The following PLEKHM1 variants were observed in gnomAD, a reference collection of about 807,000 sequenced individuals.
PLEKHM1 encodes the protein pleckstrin homology domain-containing family M member 1.
PLEKHM1 carries 28 observed loss-of-function variants against 94.3 expected under a neutral mutation model. That is an observed-to-expected ratio of 0.30 (90% CI 0.22 to 0.41). PLEKHM1 has a LOEUF of 0.41. PLEKHM1 is among the 10% of genes least tolerant of loss of function. PLEKHM1 has a pLI of 1.00. For missense variants in PLEKHM1, 907 were observed against 1,358.6 expected (o/e 0.67, Z 5.22); for synonymous variants, 424 against 581.2 (o/e 0.73, Z 3.89).
intron 1 of PLEKHM1, among the ~76,000 whole-genome samples, chr17:45,485,526 TAGAGTATTCAC>T (rs1567809622): frequency 6.6e-6 from 1 of 152,130 alleles, no homozygotes; most frequent in East Asian, 1.9e-4. Context: ...CTGAGAGTGA[TAGAGTATTCAC>T]AGAGTATTCA....
At chr17:45,442,812 G>C (rs1304733045) in intron 9 of PLEKHM1, among the ~76,000 whole-genome samples, 2 of 152,054 alleles carry the variant, frequency 1.3e-5, no homozygotes, top group East Asian at 3.9e-4. Flanking sequence ...GGCCTCGAGG[G>C]CCCTTTGAGT....
In PLEKHM1 at chr17:45,453,051, A is replaced by T; in HGVS notation, c.2497+304T>A. ...TGAAAGAACAGGACGGTAGAGCAAGAAGAAAATGAAGCAGGCTGGGACTCC... is the reference window on the plus strand; with the variant it reads ...TGAAAGAACAGGACGGTAGAGCAAGTAGAAAATGAAGCAGGCTGGGACTCC... On this transcript the variant is annotated intron_variant, in intron 7 of 11. Transcript: ENST00000430334. The surrounding 1 kb of genome is among the most constrained non-coding windows in gnomAD (Gnocchi z 4.1). 2 of 569,420 alleles carry T rather than the reference A, an allele frequency of 3.5e-6. No homozygotes were observed. Among genetic ancestry groups the T allele is most frequent in the Non-Finnish European group, 6.3e-6 (2 of 317,068 alleles). 35.3% of individuals were successfully genotyped at this position (569,420 alleles called of 1,614,324 possible).
rs1055394825 is a variant in PLEKHM1, at chr17:45,458,390, T to A, written c.1358A>T (p.Glu453Val). Residue 453 changes from glutamate to valine, a missense_variant, in exon 6 of 12, where the codon GAG becomes GTG. Glu to Val is a moderately radical substitution (Grantham distance 121). Transcript: ENST00000430334. Reference protein sequence around the residue: ...SEDDFYRPSREQPLESASDHP... With the variant: ...SEDDFYRPSRVQPLESASDHP... ...GTCTGAAGCACTCTCCAGGGGTTGC[T>A]CCCGGGAAGGCCGGTAGAAGTCATC... 3 of 1,613,906 alleles carry A rather than the reference T, an allele frequency of 1.9e-6. No homozygotes were observed. The highest frequency in any genetic ancestry group is 2.5e-6 in the Non-Finnish European group (3 of 1,179,780).
rs1373795812 is a variant in PLEKHM1 at position 45,436,283 on chromosome 17, C to T, written c.*1575G>A. ...GGTGGAGCGTTAATGTGGGCCATGG[C>T]GGTGCATAACCCAGCTCCTGGCTTA... On this transcript the variant is annotated 3_prime_UTR_variant, in exon 12 of 12. Transcript: ENST00000430334. 38 of 454,058 alleles carry T rather than the reference C, an allele frequency of 8.4e-5. No individual in the cohort carries two copies. The highest frequency in any genetic ancestry group is 1.5e-4 in the Non-Finnish European group (33 of 226,820). 28.1% of individuals were successfully genotyped at this position (454,058 alleles called of 1,614,324 possible). A position where few individuals can be genotyped will look rare whatever the true frequency, so the allele number is the denominator to read the frequency against.
chr17:45,489,987 A>T (rs2052257593), intron 1 of PLEKHM1, among the ~76,000 whole-genome samples: 2 of 152,152 alleles, frequency 1.3e-5, no homozygotes, highest in African/African-American at 4.8e-5. Flanking sequence ...TCAGTACGGC[A>T]GGAGACGCAA....
rs368781194 is a variant in PLEKHM1 at position 45,482,392 on chromosome 17, C to T, written c.48+45G>A. The T allele has an allele frequency of 3.9e-4, 266 of 678,890 alleles. 2 individuals carry two copies. In the African/African-American group the frequency reaches 5.4e-3, roughly 14 times the overall value. 42.1% of individuals were successfully genotyped at this position (678,890 alleles called of 1,614,324 possible). Reference sequence around the variant, plus strand: ...TGAGCCAAGCCGATGATACAACTGTCCCCTGCAGCCCTTCCCCGCCCTTGA... The same window carrying T: ...TGAGCCAAGCCGATGATACAACTGTTCCCTGCAGCCCTTCCCCGCCCTTGA... On this transcript the variant is annotated intron_variant, in intron 2 of 11. Coordinates refer to ENST00000430334, the MANE Select transcript of PLEKHM1 (RefSeq NM_014798.3).
At chr17:45,466,106 T>G (rs2051313100) in intron 5 of PLEKHM1, among the ~76,000 whole-genome samples, 1 of 152,186 alleles carries the variant, frequency 6.6e-6, no homozygotes, top group Non-Finnish European at 1.5e-5. Context: ...CTGAAGCATC[T>G]TCAGGATAGC....
chr17:45,453,773 G>A lies in PLEKHM1; in HGVS notation c.2079C>T (p.Tyr693=), dbSNP rs758103308. The part of the protein sequence containing the change: ...DAIKESLLYL[Y]MDRTWMPYIF... Reference sequence around the variant, plus strand: ...TATAGGGCATCCAGGTCCTGTCCATGTACAAGTACAGCAGGGACTCCTTGA... The same window carrying A: ...TATAGGGCATCCAGGTCCTGTCCATATACAAGTACAGCAGGGACTCCTTGA... The change falls in exon 7 of 12, where the codon TAC becomes TAT. Residue 693 remains tyrosine (Y), a synonymous_variant. Transcript: ENST00000430334. The surrounding 1 kb of genome is among the most constrained non-coding windows in gnomAD (Gnocchi z 4.1). The A allele has an allele frequency of 1.9e-6, 3 of 1,613,998 alleles. No individual in the cohort carries two copies. The highest frequency in any genetic ancestry group is 2.5e-6 in the Non-Finnish European group (3 of 1,179,870).
intron 5 of PLEKHM1, among the ~76,000 whole-genome samples, chr17:45,460,796 T>C (rs1488587566): frequency 2.0e-5 from 3 of 152,194 alleles, no homozygotes; most frequent in African/African-American, 7.2e-5. Context: ...TGGACTCAAG[T>C]GATCCGCCCA....
At chr17:45,483,117 G>T (rs2052006496) in intron 1 of PLEKHM1, among the ~76,000 whole-genome samples, 1 of 151,868 alleles carries the variant, frequency 6.6e-6, no homozygotes, top group Non-Finnish European at 1.5e-5. Flanking sequence ...TCGAGGGTCT[G>T]GCTTGAGCAG....
intron 11 of PLEKHM1, among the ~76,000 whole-genome samples, chr17:45,438,330 G>A (rs911296219): frequency 6.6e-6 from 1 of 152,122 alleles, no homozygotes; most frequent in African/African-American, 2.4e-5. Flanking sequence ...TCAGGAGATC[G>A]AGACCATCCT....
intron 5 of PLEKHM1, among the ~76,000 whole-genome samples, chr17:45,464,734 T>C (rs2051266741): frequency 6.6e-6 from 1 of 152,178 alleles, no homozygotes; most frequent in Non-Finnish European, 1.5e-5. Context: ...GAGTCCCCTG[T>C]AGCTGGCACA....
At chr17:45,439,064 A>G (rs2050358807) in intron 11 of PLEKHM1, among the ~76,000 whole-genome samples, 1 of 152,258 alleles carries the variant, frequency 6.6e-6, no homozygotes, top group Non-Finnish European at 1.5e-5. Flanking sequence ...AGCAACAGAC[A>G]CAGTGGCAGT....
At chr17:45,457,102 C>A (rs1597950551) in intron 6 of PLEKHM1, among the ~76,000 whole-genome samples, 2 of 143,818 alleles carry the variant, frequency 1.4e-5, no homozygotes, top group Admixed American at 1.5e-4. Flanking sequence ...AGCTGGGAGG[C>A]AAAGGCTGCA....
chr17:45,456,989 T>C (rs1483678096), intron 6 of PLEKHM1, among the ~76,000 whole-genome samples: 2 of 151,698 alleles, frequency 1.3e-5, no homozygotes, highest in African/African-American at 4.8e-5. Context: ...CAGACCAGTG[T>C]GGCCAACATG....
rs754463825 is a variant in PLEKHM1 at position 45,458,336 on chromosome 17, G to T, written c.1412C>A (p.Pro471Gln). The T allele has an allele frequency of 6.2e-7, 1 of 1,613,942 alleles. No homozygotes were observed. The highest frequency in any genetic ancestry group is 1.1e-5 in the South Asian group (1 of 91,074). Residue 471 changes from proline (P) to glutamine (Q), a missense_variant, in exon 6 of 12, where the codon CCA becomes CAA. Physicochemically the swap from Pro to Gln is moderately conservative, Grantham distance 76. Coordinates refer to ENST00000430334, the MANE Select transcript of PLEKHM1 (RefSeq NM_014798.3). ...DHPIASYRGT[P>Q]GSRPGLHRHF... ...CCTGTGGAGACCAGGCCTTGACCCT[G>T]GAGTCCCCCTGTAAGAAGCTATTGG...
chr17:45,435,241 G>A (rs1358896309), downstream of PLEKHM1, among the ~76,000 whole-genome samples: 2 of 152,164 alleles, frequency 1.3e-5, no homozygotes, highest in African/African-American at 2.4e-5. Context: ...TTAAGGACAG[G>A]AAATCTCAGA....
intron 1 of PLEKHM1, 29 bp downstream of exon 1, chr17:45,490,623 C>G (rs777292390): frequency 6.9e-6 from 3 of 433,878 alleles, no homozygotes; most frequent in South Asian, 4.7e-5. Flanking sequence ...ACTCCGCCGC[C>G]CTCCTCGCAT....
chr17:45,448,353 C>T (rs989941223), intron 8 of PLEKHM1, among the ~76,000 whole-genome samples: 10 of 152,352 alleles, frequency 6.6e-5, no homozygotes, highest in Non-Finnish European at 1.2e-4. Flanking sequence ...GGGGTTTCCC[C>T]GCCCCAGGGA....
Sources: allele counts gnomAD v4.1 joint callset (sites outside exome capture counted in the v4.1 genomes callset), GRCh38; gene constraint gnomAD v4.1.1; non-coding constraint Gnocchi (gnomAD v3.1); transcripts MANE v1.5; gene names NCBI Gene and HGNC (gene_info 2026-07-23, HGNC 2026-07-21).